Variants in RTN1 observed in about 807,000 individuals in gnomAD.
RTN1 encodes the protein reticulon-1.
A neutral mutation model predicts 65.5 loss-of-function variants in RTN1; 25 were observed. The observed-to-expected ratio is 0.38, with a 90% CI of 0.28 to 0.53. RTN1 has a LOEUF of 0.53. RTN1 is among the 20% of genes least tolerant of loss of function. The pLI is 0.79. For missense variants in RTN1, 983 were observed against 1,025.4 expected (o/e 0.96, Z 0.57); for synonymous variants, 471 against 447.6 (o/e 1.05, Z -0.66).
intron 3 of RTN1, among the ~76,000 whole-genome samples, chr14:59,690,775 ACAC>A (rs1272923238): frequency 6.6e-6 from 1 of 152,148 alleles, no homozygotes; most frequent in Non-Finnish European, 1.5e-5. Context: ...ATAAAAATAA[ACAC>A]CAAGAAGATC....
At chr14:59,644,828 G>C (rs1227447302) in intron 3 of RTN1, among the ~76,000 whole-genome samples, 1 of 151,802 alleles carries the variant, frequency 6.6e-6, no homozygotes. Context: ...TGGCCAGACT[G>C]CTTCTCTTTC....
At chr14:59,685,540 A>G (rs1883829245) in intron 3 of RTN1, among the ~76,000 whole-genome samples, 1 of 152,206 alleles carries the variant, frequency 6.6e-6, no homozygotes. Context: ...TATCTGAAAA[A>G]TAAATCAAGA....
intron 1 of RTN1, among the ~76,000 whole-genome samples, chr14:59,785,954 C>G (rs571417606): frequency 2.0e-5 from 3 of 152,292 alleles, no homozygotes; most frequent in East Asian, 3.9e-4. Context: ...ATGGAGCCAT[C>G]CATAAAAGCA....
At chr14:59,851,184 C>T (rs528187988) in intron 1 of RTN1, among the ~76,000 whole-genome samples, 204 of 152,210 alleles carry the variant, frequency 1.3e-3, no homozygotes, top group Non-Finnish European at 2.2e-3. Context: ...TTTCAATAAA[C>T]GTTGTGTGAC....
rs576757817 is a variant in RTN1, at chr14:59,819,561, G to T, written c.241+50829C>A. On this transcript the variant is annotated intron_variant, in intron 1 of 8. Transcript: ENST00000267484. ...CTCTAGTGGCTCACCTGCCAGGGCCGTGGGTGGAGCTGCCCACCAGTTCTG... is the reference window on the plus strand; with the variant it reads ...CTCTAGTGGCTCACCTGCCAGGGCCTTGGGTGGAGCTGCCCACCAGTTCTG... Among the ~76,000 whole-genome samples, 10 of 151,792 alleles carry T rather than the reference G, an allele frequency of 6.6e-5. No individual in the cohort carries two copies. In the Middle Eastern group the frequency reaches 0.01, roughly 155 times the overall value.
chr14:59,738,732 C>T (rs577980486), intron 2 of RTN1, among the ~76,000 whole-genome samples: 6 of 152,190 alleles, frequency 3.9e-5, no homozygotes, highest in South Asian at 2.1e-4. Flanking sequence ...TTTACAATAG[C>T]GAAGACATGG....
rs573053187 is a variant in RTN1 at position 59,649,072 on chromosome 14, G to T, written c.1766-41580C>A. Among the ~76,000 whole-genome samples the T allele has an allele frequency of 1.6e-4, 25 of 152,218 alleles. 1 individual carries two copies. The highest frequency in any genetic ancestry group is 5.8e-4 in the African/African-American group (24 of 41,546). On this transcript the variant is annotated intron_variant, in intron 3 of 8. Coordinates refer to ENST00000267484, the MANE Select transcript of RTN1 (RefSeq NM_021136.3). ...TACCAAAACAGATATATAGACCAACGAAACAGAACAGAGGCCTCAGAAATA... is the reference window on the plus strand; with the variant it reads ...TACCAAAACAGATATATAGACCAACTAAACAGAACAGAGGCCTCAGAAATA...
At position 59,846,386 on chromosome 14, in the gene RTN1, GC is replaced by G. The variant is rs1887410153; in HGVS notation, c.241+24003del. On this transcript the variant is annotated intron_variant, in intron 1 of 8. Transcript: ENST00000267484. The surrounding 1 kb of genome is among the most constrained non-coding windows in gnomAD (Gnocchi z 4.8). ...CAGCACCCATATCTGTGCAGCCACA[GC>G]CCATGGATCAGAGTTGATGTATGCA... Among the ~76,000 whole-genome samples the G allele has an allele frequency of 6.6e-6, 1 of 152,172 alleles. No individual in the cohort carries two copies. The highest frequency in any genetic ancestry group is 2.1e-4 in the South Asian group (1 of 4,822).
intron 1 of RTN1, among the ~76,000 whole-genome samples, chr14:59,854,380 C>T (rs1336551403): frequency 6.6e-6 from 1 of 151,982 alleles, no homozygotes; most frequent in Non-Finnish European, 1.5e-5. Flanking sequence ...CGGTGGCTCA[C>T]ACCTGTAATC....
chr14:59,785,842 T>A (rs1049522768), intron 1 of RTN1, among the ~76,000 whole-genome samples: 1 of 152,204 alleles, frequency 6.6e-6, no homozygotes, highest in African/African-American at 2.4e-5. Flanking sequence ...TATGGTGTTA[T>A]TATTTGACTC....
intron 1 of RTN1, among the ~76,000 whole-genome samples, chr14:59,847,249 C>A (rs1887427052): frequency 1.3e-5 from 2 of 152,136 alleles, no homozygotes; most frequent in Admixed American, 1.3e-4. Context: ...ACCTTTATAT[C>A]CACAAACATG....
At chr14:59,768,635 G>C (rs368481282) in intron 1 of RTN1, among the ~76,000 whole-genome samples, 2 of 152,108 alleles carry the variant, frequency 1.3e-5, no homozygotes, top group South Asian at 2.1e-4. Flanking sequence ...GGGAGGCTTA[G>C]CCCTGGGATA....
intron 3 of RTN1, among the ~76,000 whole-genome samples, chr14:59,707,708 TACACACACACACACACAC>T (rs34046826): frequency 1.4e-5 from 2 of 145,674 alleles, no homozygotes; most frequent in Admixed American, 6.9e-5. Flanking sequence ...CTCTCTCTTT[TACACACACACACACACAC>T]ACACACACAC....
intron 1 of RTN1, among the ~76,000 whole-genome samples, chr14:59,830,546 G>A (rs538913953): frequency 6.6e-6 from 1 of 152,354 alleles, no homozygotes; most frequent in African/African-American, 2.4e-5. Flanking sequence ...TACAGGTTGT[G>A]TGACTCCGAG....
rs531894478 is a variant in RTN1 at position 59,638,990 on chromosome 14, G to A, written c.1766-31498C>T. ...TTTACTAAGATTAATCATTTCTAGC[G>A]TTTGATTTAAAGTGAGAGATGTATG... On this transcript the variant is annotated intron_variant, in intron 3 of 8. Transcript: ENST00000267484. Among the ~76,000 whole-genome samples, 37 of 152,262 alleles carry A rather than the reference G, an allele frequency of 2.4e-4. No homozygotes were observed. The East Asian group carries it at 5.2e-3, about 21-fold the overall frequency.
At chr14:59,655,704 C>G (rs893226543) in intron 3 of RTN1, among the ~76,000 whole-genome samples, 1 of 152,088 alleles carries the variant, frequency 6.6e-6, no homozygotes, top group African/African-American at 2.4e-5. Context: ...ACAAGGGTGC[C>G]AAGACCATTC....
At chr14:59,750,905 A>T (rs1241711400) in intron 1 of RTN1, among the ~76,000 whole-genome samples, 1 of 149,596 alleles carries the variant, frequency 6.7e-6, no homozygotes, top group Non-Finnish European at 1.5e-5. Context: ...TTTCATAGAG[A>T]TGTGGTCTCA....
chr14:59,665,923 G>A (rs986488869), intron 3 of RTN1, among the ~76,000 whole-genome samples: 8 of 152,124 alleles, frequency 5.3e-5, no homozygotes, highest in African/African-American at 1.9e-4. Context: ...AAATACAGGA[G>A]CACCCAGATT....
At chr14:59,691,576 C>T (rs1883962317) in intron 3 of RTN1, among the ~76,000 whole-genome samples, 1 of 152,120 alleles carries the variant, frequency 6.6e-6, no homozygotes, top group Non-Finnish European at 1.5e-5. Context: ...CTCCCTAACT[C>T]ATTCTATAAA....
Sources: gnomAD v4.1 joint callset for allele counts (sites outside exome capture counted in the v4.1 genomes callset) on GRCh38, gnomAD v4.1.1 for gene constraint, Gnocchi (gnomAD v3.1) non-coding constraint, MANE v1.5 for transcripts, NCBI Gene and HGNC (gene_info 2026-07-23, HGNC 2026-07-21) for gene names.